MINPP1: variants seen among roughly 807,000 people sequenced by gnomAD.
MINPP1 encodes multiple inositol polyphosphate phosphatase 1.
Under a neutral mutation model 46.1 loss-of-function variants are expected in MINPP1, and 28 were observed. That is an observed-to-expected ratio of 0.61 (90% CI 0.45 to 0.83). The LOEUF (loss-of-function observed/expected upper bound fraction) is 0.83. MINPP1 is among the 40% of genes least tolerant of loss of function. The pLI is 0.00. For synonymous variants in MINPP1, 268 were observed against 249.1 expected, an observed-to-expected ratio of 1.08 and a Z score of -0.72; for missense variants, 603 against 610.0, an observed-to-expected ratio of 0.99 and a Z score of 0.12.
intron 4 of MINPP1, among the ~76,000 whole-genome samples, chr10:87,543,363 G>T (rs763714646): frequency 6.6e-6 from 1 of 152,168 alleles, no homozygotes; most frequent in Non-Finnish European, 1.5e-5. Flanking sequence ...TGAAAAAGAG[G>T]TTATCATGGC....
chr10:87,518,358 T>C (rs1246492494), intron 3 of MINPP1, among the ~76,000 whole-genome samples: 1 of 152,156 alleles, frequency 6.6e-6, no homozygotes, highest in Non-Finnish European at 1.5e-5. Context: ...ATTTTATTAT[T>C]TGAATAGATT....
intron 3 of MINPP1, among the ~76,000 whole-genome samples, chr10:87,514,325 A>G (rs139240580): frequency 2.7e-4 from 41 of 152,350 alleles, no homozygotes; most frequent in African/African-American, 9.6e-4. Flanking sequence ...ACTATAGTTC[A>G]TATTTATGTA....
At position 87,517,180 on chromosome 10, in the gene MINPP1, A is replaced by C. The variant is rs557702757; in HGVS notation, c.934-3856A>C. 3.9e-5 allele frequency among the ~76,000 whole-genome samples: 6 copies of C among 152,330 alleles called. No homozygotes were observed. The East Asian group carries it at 9.6e-4, about 24-fold the overall frequency. Reference sequence around the variant, plus strand: ...ACTCCCACGACACAAGTTAAAAAAAAAGCTTCCCATTTATAGATTGCTACT... The same window carrying C: ...ACTCCCACGACACAAGTTAAAAAAACAGCTTCCCATTTATAGATTGCTACT... On this transcript the variant is annotated intron_variant, in intron 3 of 4. Transcript: ENST00000371996.
In MINPP1 at chr10:87,513,060, AT is replaced by A. The variant is rs1336601896; in HGVS notation, c.836-61del. On this transcript the variant is annotated intron_variant, in intron 2 of 4. Transcript: ENST00000371996. ...GTACCACACATGGCATTCTACAGAT[AT>A]TTAGCCTTTGAAAAATTGCAGAAAA... The A allele has an allele frequency of 2.0e-4, 225 of 1,128,608 alleles. No individual in the cohort carries two copies. The East Asian group carries it at 5.3e-3, about 26-fold the overall frequency. The allele number at this position is 1,128,608 out of a possible 1,614,324, so 69.9% of individuals were successfully genotyped here. A position where few individuals can be genotyped will look rare whatever the true frequency, so the allele number is the denominator to read the frequency against.
chr10:87,552,492 A>AT lies in MINPP1; in HGVS notation c.*19dup. 1 of 1,610,306 alleles carries AT rather than the reference A, an allele frequency of 6.2e-7. No individual in the cohort carries two copies. The highest frequency in any genetic ancestry group is 8.5e-7 in the Non-Finnish European group (1 of 1,179,026). ...GATGAACTATGAGTAACTGAAGAACATTTTTAATTCTTTAGGAATCTGCAA... is the reference window on the plus strand; with the variant it reads ...GATGAACTATGAGTAACTGAAGAACATTTTTTAATTCTTTAGGAATCTGCAA... On this transcript the variant is annotated 3_prime_UTR_variant, in exon 5 of 5. Transcript: ENST00000371996.
intron 1 of MINPP1, among the ~76,000 whole-genome samples, chr10:87,506,049 T>G (rs1589366694): frequency 6.6e-6 from 1 of 151,432 alleles, no homozygotes; most frequent in East Asian, 1.9e-4. Context: ...CTCATCATCT[T>G]TTTCAGATGA....
chr10:87,543,102 T>C (rs1851839501), intron 4 of MINPP1, among the ~76,000 whole-genome samples: 1 of 152,192 alleles, frequency 6.6e-6, no homozygotes, highest in South Asian at 2.1e-4. Context: ...TGTCACATCC[T>C]AGCAAAGAAC....
chr10:87,529,785 A>C (rs927707670), intron 4 of MINPP1, among the ~76,000 whole-genome samples: 1 of 152,202 alleles, frequency 6.6e-6, no homozygotes, highest in Non-Finnish European at 1.5e-5. Flanking sequence ...CCTGGATAAC[A>C]TCCTGAATAG....
intron 3 of MINPP1, among the ~76,000 whole-genome samples, chr10:87,518,830 G>A (rs937656021): frequency 3.3e-5 from 5 of 152,198 alleles, no homozygotes; most frequent in African/African-American, 1.2e-4. Flanking sequence ...TGAGTAGGGC[G>A]AGATATGGGG....
chr10:87,509,426 A>C (rs765491640), intron 2 of MINPP1, among the ~76,000 whole-genome samples: 1 of 152,218 alleles, frequency 6.6e-6, no homozygotes, highest in Admixed American at 6.5e-5. Flanking sequence ...CTGGCAGTAC[A>C]TTGGCATCGC....
intron 3 of MINPP1, among the ~76,000 whole-genome samples, chr10:87,517,598 A>C (rs917479595): frequency 1.3e-5 from 2 of 152,232 alleles, no homozygotes; most frequent in Admixed American, 1.3e-4. Flanking sequence ...TCATTACTGT[A>C]TAATATTCCA....
intron 3 of MINPP1, 41 bp downstream of exon 3, chr10:87,513,262 A>ATT (rs1043738868): frequency 6.6e-7 from 1 of 1,514,730 alleles, no homozygotes; most frequent in Admixed American, 1.7e-5. Context: ...TTTTAAAAAA[A>ATT]TTTTTTTTGG....
At chr10:87,507,650 T>A (rs904246365) in intron 1 of MINPP1, among the ~76,000 whole-genome samples, 2 of 152,178 alleles carry the variant, frequency 1.3e-5, no homozygotes, top group South Asian at 2.1e-4. Flanking sequence ...GAAAAAAACG[T>A]AAAGGGCACA....
intron 4 of MINPP1, among the ~76,000 whole-genome samples, chr10:87,522,310 T>C (rs1292892374): frequency 1.3e-5 from 2 of 152,210 alleles, no homozygotes; most frequent in Non-Finnish European, 2.9e-5. Flanking sequence ...TTAGATCACT[T>C]CCCTGCATTG....
chr10:87,511,494 A>G (rs1851334295), intron 2 of MINPP1, among the ~76,000 whole-genome samples: 1 of 152,136 alleles, frequency 6.6e-6, no homozygotes, highest in African/African-American at 2.4e-5. Flanking sequence ...TCCACCTGAA[A>G]TATTTTTGAG....
chr10:87,506,329 A>G (rs1200827310), intron 1 of MINPP1, among the ~76,000 whole-genome samples: 1 of 152,150 alleles, frequency 6.6e-6, no homozygotes, highest in Non-Finnish European at 1.5e-5. Context: ...TCTAGTATCC[A>G]AGTCTTCTGT....
intron 4 of MINPP1, among the ~76,000 whole-genome samples, chr10:87,525,701 C>T (rs367607576): frequency 6.6e-6 from 1 of 152,236 alleles, no homozygotes; most frequent in Non-Finnish European, 1.5e-5. Flanking sequence ...TCCCCCTCCC[C>T]CTACCCCACG....
chr10:87,512,296 A>T (rs1341279839), intron 2 of MINPP1, among the ~76,000 whole-genome samples: 1 of 152,244 alleles, frequency 6.6e-6, no homozygotes, highest in East Asian at 1.9e-4. Flanking sequence ...TAGATAACTT[A>T]TTCTGAAATC....
chr10:87,545,177 A>G (rs1396050851), intron 4 of MINPP1, among the ~76,000 whole-genome samples: 1 of 152,008 alleles, frequency 6.6e-6, no homozygotes, highest in African/African-American at 2.4e-5. Flanking sequence ...GTTTCAGGAA[A>G]CCTCCTTAGG....
Sources: gnomAD v4.1 joint callset for allele counts (sites outside exome capture counted in the v4.1 genomes callset) on GRCh38, gnomAD v4.1.1 for gene constraint, MANE v1.5 for transcripts, NCBI Gene and HGNC (gene_info 2026-07-23, HGNC 2026-07-21) for gene names.